MOK: variants seen among roughly 807,000 people sequenced by gnomAD.
MOK encodes the protein MAPK/MAK/MRK overlapping kinase.
Under a neutral mutation model 54.2 loss-of-function variants are expected in MOK, and 59 were observed. The observed-to-expected ratio is 1.09, with a 90% CI of 0.88 to 1.35. MOK has a LOEUF of 1.35. MOK is among the 40% of genes most tolerant of loss of function. The pLI is 0.00. For missense variants in MOK, 517 were observed against 526.2 expected, an observed-to-expected ratio of 0.98 and a Z score of 0.17; for synonymous variants, 210 against 202.7, an observed-to-expected ratio of 1.04 and a Z score of -0.31.
intron 5 of MOK, 33 bp from the exon 6 acceptor site, chr14:102,251,837 AC>A (rs758958353): frequency 6.5e-7 from 1 of 1,545,900 alleles, no homozygotes; most frequent in Non-Finnish European, 8.9e-7. Context: ...ATAGAATTAC[AC>A]TTCATTTATT....
chr14:102,236,520 G>A lies in MOK; in HGVS notation c.591-2731C>T, dbSNP rs186459160. 4.3e-4 allele frequency among the ~76,000 whole-genome samples: 65 copies of A among 152,186 alleles called. No homozygotes were observed. The highest frequency in any genetic ancestry group is 1.2e-3 in the Admixed American group (18 of 15,290). Reference sequence around the variant, plus strand: ...ACCCCCATCCTAGGCCAAATTCAAAGCCAAATTCAAATTCAAATTTTGGCC... The same window carrying A: ...ACCCCCATCCTAGGCCAAATTCAAAACCAAATTCAAATTCAAATTTTGGCC... On this transcript the variant is annotated intron_variant, in intron 7 of 11. Transcript: ENST00000361847. The surrounding 1 kb of genome is among the most constrained non-coding windows in gnomAD (Gnocchi z 4.5).
chr14:102,232,653 G>T lies in MOK; in HGVS notation c.748C>A (p.Leu250Ile). 1 of 1,614,096 alleles carries T rather than the reference G, an allele frequency of 6.2e-7. No individual in the cohort carries two copies. Among genetic ancestry groups the T allele is most frequent in the Non-Finnish European group, 8.5e-7 (1 of 1,179,960 alleles). The change falls in exon 9 of 12, where the codon CTA (leucine) becomes ATA (isoleucine). Residue 250 changes from leucine (L) to isoleucine (I), a missense_variant. Transcript: ENST00000361847. This position sits in a 1 kb window ranked among gnomAD's most constrained non-coding sequence, Gnocchi z 5.1. ...PFKKGSGIPL[L>I]TTNLSPQCLS... ...CATTGTGGGGACAAATTGGTTGTTA[G>T]TAGAGGTATTCCTGATCCCTTTTTA...
intron 1 of MOK, among the ~76,000 whole-genome samples, chr14:102,300,320 T>A: frequency 1.1e-5 from 1 of 89,698 alleles, no homozygotes; most frequent in Non-Finnish European, 2.0e-5. Flanking sequence ...CAAAACTCTA[T>A]CTCAAAAAAA....
chr14:102,228,636 T>A (rs1597216474), downstream of MOK, among the ~76,000 whole-genome samples: 1 of 145,756 alleles, frequency 6.9e-6, no homozygotes. Context: ...GAGGTGGAGG[T>A]TGCAGTGAGC....
chr14:102,301,822 C>T (rs2072232939), intron 1 of MOK, among the ~76,000 whole-genome samples: 1 of 152,136 alleles, frequency 6.6e-6, no homozygotes, highest in Admixed American at 6.5e-5. Flanking sequence ...AAGAACATAC[C>T]AAACAATACT....
chr14:102,261,068 C>T (rs1198434933), intron 4 of MOK, among the ~76,000 whole-genome samples: 1 of 151,678 alleles, frequency 6.6e-6, no homozygotes, highest in East Asian at 1.9e-4. Context: ...CCATCCTGGC[C>T]AACATGGTGA....
At chr14:102,241,605 G>A (rs896107100) in intron 7 of MOK, among the ~76,000 whole-genome samples, 1 of 152,224 alleles carries the variant, frequency 6.6e-6, no homozygotes, top group Non-Finnish European at 1.5e-5. Context: ...AGAGGGGCCA[G>A]AAGGCCATCT....
intron 1 of MOK, among the ~76,000 whole-genome samples, chr14:102,302,822 G>C (rs2072386778): frequency 6.6e-6 from 1 of 151,418 alleles, no homozygotes; most frequent in Admixed American, 6.6e-5. Flanking sequence ...TATATAGAGA[G>C]AGTAAATTAC....
At chr14:102,227,710 C>A (rs995276047), downstream of MOK, among the ~76,000 whole-genome samples, 2 of 152,136 alleles carry the variant, frequency 1.3e-5, no homozygotes, top group African/African-American at 4.8e-5. Context: ...GCAGAGTGGG[C>A]ACCTGTGCCC....
chr14:102,234,597 C>T (rs1597268970), intron 7 of MOK, among the ~76,000 whole-genome samples: 1 of 152,104 alleles, frequency 6.6e-6, no homozygotes, highest in African/African-American at 2.4e-5. Flanking sequence ...CCTCTACCCC[C>T]CTCCCTTCCA....
At chr14:102,265,694 G>A in intron 3 of MOK, 129 bp downstream of exon 3, 2 of 655,606 alleles carry the variant, frequency 3.1e-6, no homozygotes, top group Non-Finnish European at 2.6e-6. Context: ...TGTGATGTAA[G>A]ATGAAGTAAA....
intron 7 of MOK, among the ~76,000 whole-genome samples, chr14:102,237,629 T>A (rs575573004): frequency 4.6e-5 from 7 of 152,310 alleles, no homozygotes; most frequent in African/African-American, 7.2e-5. Flanking sequence ...ACCGCTCTTG[T>A]CACTGCACCA....
intron 10 of MOK, 112 bp from the exon 11 acceptor site, chr14:102,229,769 C>T: frequency 1.0e-6 from 1 of 999,832 alleles, no homozygotes; most frequent in Non-Finnish European, 1.4e-6. Flanking sequence ...ATTTCTTGAC[C>T]ATAAGATGTG....
chr14:102,280,915 G>C (rs1209096697), intron 2 of MOK: 1 of 152,250 alleles, frequency 6.6e-6, no homozygotes, highest in Non-Finnish European at 1.5e-5. Context: ...TTATCTGATA[G>C]AGGCTGGACC....
At chr14:102,299,444 G>A (rs1440593558) in intron 1 of MOK, among the ~76,000 whole-genome samples, 2 of 151,990 alleles carry the variant, frequency 1.3e-5, no homozygotes, top group Admixed American at 1.3e-4. Flanking sequence ...GAACCCTGGA[G>A]GCAGAGGTTG....
intron 1 of MOK, among the ~76,000 whole-genome samples, chr14:102,303,557 A>G (rs1410480571): frequency 6.6e-6 from 1 of 152,238 alleles, no homozygotes; most frequent in African/African-American, 2.4e-5. Context: ...AAAAATATAA[A>G]CAACTATAAC....
intron 2 of MOK, 56 bp from the exon 3 acceptor site, chr14:102,265,968 TAG>T: frequency 8.2e-7 from 1 of 1,213,164 alleles, no homozygotes; most frequent in Non-Finnish European, 1.2e-6. Flanking sequence ...ACTTCAAAAT[TAG>T]AGTTACTTAT....
At chr14:102,286,912 A>AATAAT (rs2070171196) in intron 1 of MOK, among the ~76,000 whole-genome samples, 2 of 145,508 alleles carry the variant, frequency 1.4e-5, no homozygotes, top group Admixed American at 6.9e-5. Context: ...TCCGTCTCAA[A>AATAAT]AATAATAATA....
chr14:102,266,330 A>ATTATGTT (rs2067904774), intron 2 of MOK, among the ~76,000 whole-genome samples: 1 of 151,314 alleles, frequency 6.6e-6, no homozygotes, highest in Non-Finnish European at 1.5e-5. Context: ...TTTTTGAGAC[A>ATTATGTT]AAGCCTCACT....
Sources: allele counts gnomAD v4.1 joint callset (sites outside exome capture counted in the v4.1 genomes callset), GRCh38; gene constraint gnomAD v4.1.1; non-coding constraint Gnocchi (gnomAD v3.1); transcripts MANE v1.5; gene names NCBI Gene and HGNC (gene_info 2026-07-23, HGNC 2026-07-21).